Variants in ETV7 observed in about 807,000 individuals in gnomAD.
ETV7 encodes the protein ETS variant transcription factor 7.
A neutral mutation model predicts 39.1 loss-of-function variants in ETV7; 43 were observed. That is an observed-to-expected ratio of 1.10 (90% CI 0.86 to 1.42). The LOEUF is 1.42. Among genes scored for constraint, ETV7 ranks in the 40% most tolerant of loss-of-function variants. The pLI is 0.00. For missense variants in ETV7, 432 were observed against 442.3 expected, an observed-to-expected ratio of 0.98 and a Z score of 0.21; for synonymous variants, 196 against 176.6, an observed-to-expected ratio of 1.11 and a Z score of -0.87.
At position 36,366,947 on chromosome 6, in the gene ETV7, ATCT is replaced by A. The variant is rs1409288416; in HGVS notation, c.833_835del (p.Lys278del). On this transcript the variant is annotated inframe_deletion, in exon 7 of 8. Coordinates refer to ENST00000340181, the MANE Select transcript of ETV7 (RefSeq NM_016135.4). ...ATAATAGTGGCGCAGGGCACGAGAC[ATCT>A]TCTCGTAGGTCATGTTCACCCGGTT... 6.2e-7 allele frequency: 1 copy of A among 1,613,860 alleles called. No homozygotes were observed. The highest frequency in any genetic ancestry group is 1.1e-5 in the South Asian group (1 of 91,062).
chr6:36,363,793 G>A (rs542490097), downstream of ETV7, among the ~76,000 whole-genome samples: 304 of 145,458 alleles, frequency 2.1e-3, no homozygotes, highest in African/African-American at 7.3e-3. Context: ...TAGATACAGT[G>A]TGGACACAAA....
intron 2 of ETV7, among the ~76,000 whole-genome samples, chr6:36,379,746 C>T (rs1773559728): frequency 1.3e-5 from 2 of 151,488 alleles, no homozygotes; most frequent in South Asian, 2.1e-4. Context: ...CACAGTGGCA[C>T]GTGCCTGTAA....
chr6:36,368,086 A>G (rs991188398), intron 6 of ETV7, among the ~76,000 whole-genome samples: 9 of 152,278 alleles, frequency 5.9e-5, no homozygotes, highest in Non-Finnish European at 1.2e-4. Context: ...AGTGCAGCAC[A>G]TGGCCTGGGT....
intron 2 of ETV7, among the ~76,000 whole-genome samples, chr6:36,383,488 T>G (rs1773751547): frequency 6.6e-6 from 1 of 152,206 alleles, no homozygotes. Context: ...TCTGTTTTGT[T>G]TATTCACTTC....
chr6:36,369,686 G>C (rs1354034896), intron 5 of ETV7, among the ~76,000 whole-genome samples: 2 of 152,246 alleles, frequency 1.3e-5, no homozygotes, highest in South Asian at 4.1e-4. Context: ...CTTGTATGGG[G>C]TGGTGAGAGA....
At chr6:36,380,644 G>A (rs1773605610) in intron 2 of ETV7, among the ~76,000 whole-genome samples, 1 of 152,194 alleles carries the variant, frequency 6.6e-6, no homozygotes, top group Non-Finnish European at 1.5e-5. Context: ...GCCCTTATCT[G>A]TGGACATAGC....
downstream of ETV7, among the ~76,000 whole-genome samples, chr6:36,364,278 G>C (rs539352110): frequency 2.3e-4 from 35 of 152,354 alleles, no homozygotes; most frequent in African/African-American, 8.2e-4. Flanking sequence ...CTGTGGAGCA[G>C]GGGGTGGCGC....
chr6:36,362,974 G>A (rs1772554501), downstream of ETV7, among the ~76,000 whole-genome samples: 1 of 152,222 alleles, frequency 6.6e-6, no homozygotes. Context: ...AGGAAATGAG[G>A]TGGCTTCAGG....
At position 36,371,429 on chromosome 6, in the gene ETV7, ACTC is replaced by A; in HGVS notation, c.562_564del (p.Glu188del). ...TCTGCACAGTGACATAAGTTGAGGG[ACTC>A]CTCCTTGCCAGGGGTCCACCTTGCC... On this transcript the variant is annotated inframe_deletion, in exon 5 of 8. Coordinates refer to ENST00000340181, the MANE Select transcript of ETV7 (RefSeq NM_016135.4). The A allele has an allele frequency of 6.2e-7, 1 of 1,601,354 alleles. No homozygotes were observed. Among genetic ancestry groups the A allele is most frequent in the Non-Finnish European group, 8.5e-7 (1 of 1,173,418 alleles).
downstream of ETV7, among the ~76,000 whole-genome samples, chr6:36,365,647 A>G (rs1292369108): frequency 6.6e-6 from 1 of 152,124 alleles, no homozygotes; most frequent in African/African-American, 2.4e-5. Context: ...TGGACTATTC[A>G]GTGAAGATGC....
At chr6:36,374,629 A>G (rs1327593815) in intron 3 of ETV7, among the ~76,000 whole-genome samples, 1 of 152,206 alleles carries the variant, frequency 6.6e-6, no homozygotes, top group Non-Finnish European at 1.5e-5. Context: ...GTGCAGGACC[A>G]TCAGGGCTGT....
chr6:36,367,027 T>A (rs1357563138), intron 6 of ETV7, 52 bp from the exon 7 acceptor site: 2 of 1,402,072 alleles, frequency 1.4e-6, no homozygotes, highest in African/African-American at 1.4e-5. Flanking sequence ...TCCTGCTCCT[T>A]CCACACCTGG....
In ETV7 at chr6:36,374,087, G is replaced by A. The variant is rs116157924; in HGVS notation, c.308-509C>T. 5.4e-3 allele frequency among the ~76,000 whole-genome samples: 820 copies of A among 152,282 alleles called. 4 individuals are homozygous for A. Among genetic ancestry groups the A allele is most frequent in the Non-Finnish European group, 9.8e-3 (668 of 68,024 alleles). ...TTGAAGAAAGGAAAAGCCAGGTGCG[G>A]TGGCTCACACCTGTAATCCCAACAC... On this transcript the variant is annotated intron_variant, in intron 3 of 7. Transcript: ENST00000340181.
chr6:36,361,386 G>A (rs894765741), downstream of ETV7, among the ~76,000 whole-genome samples: 1 of 152,218 alleles, frequency 6.6e-6, no homozygotes, highest in African/African-American at 2.4e-5. Flanking sequence ...CTCTGTAAAG[G>A]TCTGTGTTTT....
intron 2 of ETV7, among the ~76,000 whole-genome samples, chr6:36,382,304 A>C (rs1009956091): frequency 2.6e-5 from 4 of 152,208 alleles, no homozygotes; most frequent in African/African-American, 7.2e-5. Context: ...TCAATTTTTA[A>C]AAATATTTAT....
downstream of ETV7, among the ~76,000 whole-genome samples, chr6:36,361,631 C>G (rs183065521): frequency 1.3e-5 from 2 of 152,188 alleles, no homozygotes; most frequent in African/African-American, 2.4e-5. Flanking sequence ...AAGGAAAAAG[C>G]CTTTCTAAGA....
At chr6:36,381,922 T>C (rs1773675913) in intron 2 of ETV7, among the ~76,000 whole-genome samples, 1 of 152,146 alleles carries the variant, frequency 6.6e-6, no homozygotes, top group Admixed American at 6.6e-5. Context: ...GAGAGGTTCT[T>C]TATCCTCATA....
intron 4 of ETV7, among the ~76,000 whole-genome samples, chr6:36,373,068 A>G (rs1191341107): frequency 6.6e-6 from 1 of 151,868 alleles, no homozygotes; most frequent in Non-Finnish European, 1.5e-5. Flanking sequence ...GGGGGAAGGA[A>G]GGAGAGGTGA....
chr6:36,363,203 G>A (rs1055492736), downstream of ETV7, among the ~76,000 whole-genome samples: 27 of 152,240 alleles, frequency 1.8e-4, no homozygotes, highest in African/African-American at 6.3e-4. Flanking sequence ...CTCGCGGTGA[G>A]TCTTACAGCT....
Sources: allele counts gnomAD v4.1 joint callset (sites outside exome capture counted in the v4.1 genomes callset), GRCh38; gene constraint gnomAD v4.1.1; transcripts MANE v1.5; gene names NCBI Gene and HGNC (gene_info 2026-07-23, HGNC 2026-07-21).